GRM8: variants seen among roughly 807,000 people sequenced by gnomAD.
GRM8 encodes metabotropic glutamate receptor 8.
A neutral mutation model predicts 87.2 loss-of-function variants in GRM8; 47 were observed. The observed-to-expected ratio is 0.54, with a 90% CI of 0.43 to 0.69. The LOEUF is 0.69. Ranked by LOEUF, GRM8 falls within the 30% of genes least tolerant of loss-of-function variation. The probability of loss-of-function intolerance (pLI) is 0.00; values close to 1 mark genes in which losing one functional copy is unlikely to be tolerated. For synonymous variants in GRM8, 396 were observed against 404.5 expected, an observed-to-expected ratio of 0.98 and a Z score of 0.25; for missense variants, 1,019 against 1,139.2, an observed-to-expected ratio of 0.89 and a Z score of 1.52.
At chr7:126,983,541 A>T (rs1451255754) in intron 3 of GRM8, among the ~76,000 whole-genome samples, 2 of 152,220 alleles carry the variant, frequency 1.3e-5, no homozygotes, top group East Asian at 3.9e-4. Context: ...TGCTACCTGG[A>T]CACTTGGGGT....
chr7:126,532,434 T>C (rs1328941558), intron 9 of GRM8, among the ~76,000 whole-genome samples: 8 of 152,094 alleles, frequency 5.3e-5, no homozygotes, highest in Non-Finnish European at 1.0e-4. Flanking sequence ...AAACTCTGCT[T>C]CCATGACTAA....
At chr7:126,793,355 A>G (rs1239323780) in intron 6 of GRM8, among the ~76,000 whole-genome samples, 2 of 152,194 alleles carry the variant, frequency 1.3e-5, no homozygotes, top group Non-Finnish European at 2.9e-5. Context: ...CAGAAGGTCC[A>G]CATTTAAGGA....
At chr7:126,690,411 G>A (rs1411401615) in intron 7 of GRM8, among the ~76,000 whole-genome samples, 1 of 152,214 alleles carries the variant, frequency 6.6e-6, no homozygotes, top group African/African-American at 2.4e-5. Context: ...CTGCAAGGCT[G>A]TAGCTGAACC....
intron 7 of GRM8, among the ~76,000 whole-genome samples, chr7:126,754,162 C>A (rs1348127836): frequency 2.6e-5 from 4 of 151,834 alleles, no homozygotes; most frequent in Non-Finnish European, 5.9e-5. Context: ...TAGATTGAAT[C>A]TGTTGGCATA....
At chr7:126,871,918 A>G (rs1799132932) in intron 6 of GRM8, among the ~76,000 whole-genome samples, 1 of 152,220 alleles carries the variant, frequency 6.6e-6, no homozygotes, top group Non-Finnish European at 1.5e-5. Flanking sequence ...GTTGATCATA[A>G]ACTAAAATAC....
chr7:126,494,199 C>G (rs1381314511), intron 9 of GRM8, among the ~76,000 whole-genome samples: 2 of 152,014 alleles, frequency 1.3e-5, no homozygotes, highest in African/African-American at 4.8e-5. Context: ...AGGGAGACAG[C>G]AGCATGACTG....
intron 8 of GRM8, among the ~76,000 whole-genome samples, chr7:126,548,473 G>A (rs769868704): frequency 7.2e-5 from 11 of 151,934 alleles, no homozygotes; most frequent in Admixed American, 2.0e-4. Context: ...TAAAAATTAC[G>A]GTTACTAGCT....
intron 7 of GRM8, among the ~76,000 whole-genome samples, chr7:126,615,781 C>A (rs1483185933): frequency 6.6e-6 from 1 of 152,028 alleles, no homozygotes; most frequent in African/African-American, 2.4e-5. Flanking sequence ...ACAAAGAAGG[C>A]CATTACATAA....
At chr7:127,049,226 C>T (rs1019952427) in intron 3 of GRM8, among the ~76,000 whole-genome samples, 10 of 152,094 alleles carry the variant, frequency 6.6e-5, no homozygotes, top group African/African-American at 2.4e-4. Flanking sequence ...TAAACATACA[C>T]ATACACACAC....
intron 1 of GRM8, chr7:127,251,338 T>G (rs1592376): frequency 0.17 from 25,988 of 152,162 alleles, 2,520 homozygotes; most frequent in Middle Eastern, 0.29. Context: ...GAAGGGAATT[T>G]TTTTTTCTTT....
intron 6 of GRM8, among the ~76,000 whole-genome samples, chr7:126,809,425 T>A (rs1793082791): frequency 6.6e-6 from 1 of 152,134 alleles, no homozygotes; most frequent in South Asian, 2.1e-4. Context: ...GGAAATCTAT[T>A]AAACTTCAGA....
At chr7:126,633,172 G>A (rs2151180332) in intron 7 of GRM8, among the ~76,000 whole-genome samples, 1 of 152,188 alleles carries the variant, frequency 6.6e-6, no homozygotes, top group East Asian at 1.9e-4. Context: ...GCAGATAGAA[G>A]TAGCTCTCAG....
At chr7:127,089,808 AG>A (rs1823876290) in intron 3 of GRM8, among the ~76,000 whole-genome samples, 1 of 152,322 alleles carries the variant, frequency 6.6e-6, no homozygotes, top group South Asian at 2.1e-4. Context: ...GCCTTCACTA[AG>A]GAAGTATCAT....
chr7:126,989,778 C>T (rs990610101), intron 3 of GRM8, among the ~76,000 whole-genome samples: 2 of 151,738 alleles, frequency 1.3e-5, no homozygotes, highest in Non-Finnish European at 2.9e-5. Context: ...CCCATCTTTA[C>T]AAAATGTACA....
intron 9 of GRM8, among the ~76,000 whole-genome samples, chr7:126,452,600 T>A (rs1802748915): frequency 1.3e-5 from 2 of 151,040 alleles, no homozygotes; most frequent in Admixed American, 6.6e-5. Flanking sequence ...ATCAGAAAAC[T>A]GGAGGACTGG....
intron 7 of GRM8, among the ~76,000 whole-genome samples, chr7:126,736,266 A>G (rs985731021): frequency 1.3e-5 from 2 of 152,086 alleles, no homozygotes; most frequent in Non-Finnish European, 2.9e-5. Flanking sequence ...GAAATGTGCA[A>G]CACCTTTACA....
chr7:126,908,522 T>C (rs550226661), intron 3 of GRM8, among the ~76,000 whole-genome samples: 4 of 152,350 alleles, frequency 2.6e-5, no homozygotes, highest in Admixed American at 2.0e-4. Flanking sequence ...TAAAGACATG[T>C]TATATGCTGA....
intron 3 of GRM8, among the ~76,000 whole-genome samples, chr7:127,041,157 G>A (rs762939834): frequency 2.0e-5 from 3 of 152,232 alleles, no homozygotes; most frequent in African/African-American, 4.8e-5. Flanking sequence ...AAGTTGCAGT[G>A]AGGCTCTTCT....
At chr7:127,234,112 AT>A (rs1278308761) in intron 2 of GRM8, among the ~76,000 whole-genome samples, 3 of 152,192 alleles carry the variant, frequency 2.0e-5, no homozygotes, top group African/African-American at 7.2e-5. Flanking sequence ...CTGCTGTGGA[AT>A]GTTATTTGCA....
Sources: gnomAD v4.1 joint callset for allele counts (sites outside exome capture counted in the v4.1 genomes callset) on GRCh38, gnomAD v4.1.1 for gene constraint, MANE v1.5 for transcripts, NCBI Gene and HGNC (gene_info 2026-07-23, HGNC 2026-07-21) for gene names.